The following NHERF1 variants were observed in gnomAD, a reference collection of about 807,000 sequenced individuals.
The protein encoded by NHERF1 is NHERF family PDZ scaffold protein 1.
At chr17:74,763,363 G>A in the NHERF1 span, 3 of 1,612,288 alleles carry the variant, frequency 1.9e-6, no homozygotes, top group East Asian at 6.7e-5. Context: ...ACCCTGCCCT[G>A]CAGGTGAACG....
At chr17:74,759,284 G>T in the NHERF1 span, among the ~76,000 whole-genome samples, 2 of 152,240 alleles carry the variant, frequency 1.3e-5, no homozygotes, top group Non-Finnish European at 2.9e-5. Context: ...GGGCACCTGA[G>T]CCCCTCAGGC....
chr17:74,750,145 G>C, the NHERF1 span, among the ~76,000 whole-genome samples: 2 of 152,180 alleles, frequency 1.3e-5, no homozygotes, highest in Admixed American at 1.3e-4. Context: ...GTCTTGCCCT[G>C]GCCTTGCCAT....
At chr17:74,758,282 C>T in the NHERF1 span, among the ~76,000 whole-genome samples, 31 of 152,270 alleles carry the variant, frequency 2.0e-4, 1 homozygote, top group Admixed American at 5.9e-4. This position sits in a 1 kb window ranked among gnomAD's most constrained non-coding sequence, Gnocchi z 4.3. Context: ...ACTTAGGGCG[C>T]GGTGAAGCTC....
chr17:74,749,261 G>A, the NHERF1 span: 1 of 1,529,654 alleles, frequency 6.5e-7, no homozygotes, highest in Non-Finnish European at 8.7e-7. This position sits in a 1 kb window ranked among gnomAD's most constrained non-coding sequence, Gnocchi z 5.6. Context: ...TGAGCCTCGC[G>A]AGGCCGACAA....
At chr17:74,749,418 C>A in the NHERF1 span, 1 of 884,576 alleles carries the variant, frequency 1.1e-6, no homozygotes, top group South Asian at 1.8e-5. This position sits in a 1 kb window ranked among gnomAD's most constrained non-coding sequence, Gnocchi z 5.6. Context: ...GGGGAGACCG[C>A]TTCCGCCCGC....
the NHERF1 span, among the ~76,000 whole-genome samples, chr17:74,766,219 C>T: frequency 6.6e-6 from 1 of 151,020 alleles, no homozygotes; most frequent in African/African-American, 2.5e-5. Context: ...TTTGTTTTGC[C>T]AGAGTCTTGC....
chr17:74,766,943 G>A, the NHERF1 span: 1 of 1,614,096 alleles, frequency 6.2e-7, no homozygotes, highest in Non-Finnish European at 8.5e-7. Context: ...TAGGTCCCCT[G>A]CCTGTGCCCT....
chr17:74,762,949 A>G, the NHERF1 span: 2 of 164,502 alleles, frequency 1.2e-5, no homozygotes, highest in Admixed American at 6.0e-5. This position sits in a 1 kb window ranked among gnomAD's most constrained non-coding sequence, Gnocchi z 4.2. Flanking sequence ...CAGGTCCCAG[A>G]ATCACAGTCT....
At chr17:74,763,113 T>G in the NHERF1 span, 2 of 414,608 alleles carry the variant, frequency 4.8e-6, no homozygotes, top group Non-Finnish European at 4.4e-6. Flanking sequence ...CTCTCCCAGC[T>G]GTGTTTGTTT....
At chr17:74,768,152 C>A in the NHERF1 span, 7 of 1,609,246 alleles carry the variant, frequency 4.3e-6, no homozygotes, top group African/African-American at 9.4e-5. Flanking sequence ...GCCAGGAGAA[C>A]AGTCGTGAAG....
the NHERF1 span, chr17:74,763,563 C>T: frequency 6.4e-7 from 1 of 1,553,754 alleles, no homozygotes; most frequent in African/African-American, 1.4e-5. Context: ...GCTGGAGCCC[C>T]CCAAGTCAGG....
At chr17:74,752,393 T>C in the NHERF1 span, among the ~76,000 whole-genome samples, 3 of 152,000 alleles carry the variant, frequency 2.0e-5, no homozygotes, top group African/African-American at 7.3e-5. Context: ...CGAATTCCCC[T>C]CTAGCCTCTA....
the NHERF1 span, among the ~76,000 whole-genome samples, chr17:74,754,399 C>CTTTTTTTT: frequency 2.8e-4 from 17 of 59,680 alleles, no homozygotes; most frequent in African/African-American, 3.2e-4. Context: ...TTCTTTCTTT[C>CTTTTTTTT]TTTTTTTTTT....
At chr17:74,768,519 A>G in the NHERF1 span, 17 of 1,613,400 alleles carry the variant, frequency 1.1e-5, no homozygotes, top group African/African-American at 1.3e-5. Context: ...GCCCTCGTCT[A>G]CCTCCTCCTC....
chr17:74,766,808 T>A, the NHERF1 span: 4 of 902,678 alleles, frequency 4.4e-6, no homozygotes, highest in Non-Finnish European at 7.5e-6. Context: ...TGGGTGGTAG[T>A]CAAAAAAGTT....
At chr17:74,758,982 G>A in the NHERF1 span, among the ~76,000 whole-genome samples, 3 of 152,186 alleles carry the variant, frequency 2.0e-5, no homozygotes, top group African/African-American at 7.2e-5. This position sits in a 1 kb window ranked among gnomAD's most constrained non-coding sequence, Gnocchi z 4.3. Context: ...TCAGCAACTG[G>A]CACTGACACC....
the NHERF1 span, chr17:74,766,898 C>T: frequency 6.2e-7 from 1 of 1,609,466 alleles, no homozygotes; most frequent in South Asian, 1.1e-5. Context: ...CTATTCCATC[C>T]CCGTTCTGGA....
At chr17:74,766,027 G>A in the NHERF1 span, among the ~76,000 whole-genome samples, 10 of 152,154 alleles carry the variant, frequency 6.6e-5, no homozygotes, top group Admixed American at 1.3e-4. Context: ...AGCTTCCCAC[G>A]TAGGAGTTCC....
the NHERF1 span, among the ~76,000 whole-genome samples, chr17:74,749,619 G>A: frequency 6.6e-6 from 1 of 152,142 alleles, no homozygotes; most frequent in Admixed American, 6.5e-5. The surrounding 1 kb of genome is among the most constrained non-coding windows in gnomAD (Gnocchi z 5.6). Flanking sequence ...CCCGTTCCTC[G>A]GAATCCCCCA....
Sources: gnomAD v4.1 joint callset for allele counts (sites outside exome capture counted in the v4.1 genomes callset) on GRCh38, gnomAD v4.1.1 for gene constraint, Gnocchi (gnomAD v3.1) non-coding constraint, MANE v1.5 for transcripts, NCBI Gene and HGNC (gene_info 2026-07-23, HGNC 2026-07-21) for gene names.